The following RAI14 variants were observed in gnomAD, a reference collection of about 807,000 sequenced individuals.
RAI14 encodes the protein retinoic acid induced 14.
In RAI14, 45 loss-of-function variants were observed where a neutral mutation model predicts 115.4. The observed-to-expected ratio is 0.39, with a 90% CI of 0.31 to 0.50. The LOEUF (loss-of-function observed/expected upper bound fraction) is 0.50, where lower values mean the gene tolerates loss of function less well. RAI14 is among the 20% of genes least tolerant of loss of function. RAI14 has a pLI of 0.85. For synonymous variants in RAI14, 371 were observed against 415.4 expected (o/e 0.89, Z 1.30); for missense variants, 939 against 1,131.2 (o/e 0.83, Z 2.44).
chr5:34,786,090 A>C (rs754446939), intron 3 of RAI14, among the ~76,000 whole-genome samples: 19 of 152,224 alleles, frequency 1.2e-4, no homozygotes, highest in Non-Finnish European at 2.4e-4. Flanking sequence ...CAGACATTGT[A>C]AGGGGTGAGG....
At chr5:34,678,350 T>C (rs1438811299) in intron 1 of RAI14, among the ~76,000 whole-genome samples, 2 of 152,192 alleles carry the variant, frequency 1.3e-5, no homozygotes, top group African/African-American at 2.4e-5. Context: ...TTGTGGGTTA[T>C]TTCTGGGAAT....
intron 2 of RAI14, among the ~76,000 whole-genome samples, chr5:34,748,124 T>C (rs1746526571): frequency 6.6e-6 from 1 of 152,048 alleles, no homozygotes; most frequent in Admixed American, 6.6e-5. Context: ...GTTTATGTAT[T>C]ATGTACACGC....
At chr5:34,784,077 C>T (rs1026903997) in intron 3 of RAI14, among the ~76,000 whole-genome samples, 3 of 152,204 alleles carry the variant, frequency 2.0e-5, no homozygotes, top group Non-Finnish European at 4.4e-5. Flanking sequence ...GCGGAATGCA[C>T]CATTTGGCAA....
chr5:34,790,758 G>A (rs577612472), intron 3 of RAI14, among the ~76,000 whole-genome samples: 162 of 138,284 alleles, frequency 1.2e-3, no homozygotes, highest in African/African-American at 3.5e-3. Flanking sequence ...GTGTGTGTGT[G>A]TATATATACA....
rs181523385 is a variant in RAI14 at position 34,725,246 on chromosome 5, T to C, written c.37-32222T>C. On this transcript the variant is annotated intron_variant, in intron 2 of 17. Transcript: ENST00000265109. ...CAAAAGGATTCAAATTGTTTAGAAATATATGACCATTATGAAGCATTATTT... is the reference window on the plus strand; with the variant it reads ...CAAAAGGATTCAAATTGTTTAGAAACATATGACCATTATGAAGCATTATTT... Among the ~76,000 whole-genome samples, 11 of 152,264 alleles carry C rather than the reference T, an allele frequency of 7.2e-5. No homozygotes were observed. The East Asian group carries it at 2.1e-3, about 30-fold the overall frequency.
intron 3 of RAI14, among the ~76,000 whole-genome samples, chr5:34,765,306 C>T (rs923801087): frequency 3.3e-5 from 5 of 152,136 alleles, no homozygotes; most frequent in Non-Finnish European, 7.3e-5. Flanking sequence ...CTTTGGAGGA[C>T]TCAGAAGAAG....
intron 2 of RAI14, among the ~76,000 whole-genome samples, chr5:34,718,248 G>A (rs1201576941): frequency 6.6e-6 from 1 of 152,212 alleles, no homozygotes; most frequent in Non-Finnish European, 1.5e-5. Context: ...TACAACTCTT[G>A]TGTTTTCTTG....
chr5:34,668,421 C>T (rs1393349679), intron 1 of RAI14, among the ~76,000 whole-genome samples: 2 of 150,994 alleles, frequency 1.3e-5, no homozygotes, highest in Admixed American at 6.6e-5. Context: ...GTGGGCCCCA[C>T]GAAGGGTTCA....
chr5:34,735,195 C>T (rs1370755244), intron 2 of RAI14, among the ~76,000 whole-genome samples: 4 of 152,094 alleles, frequency 2.6e-5, no homozygotes, highest in South Asian at 2.1e-4. Flanking sequence ...AAAATATGGA[C>T]TGATAGAAAA....
intron 2 of RAI14, chr5:34,728,801 G>A (rs1353485785): frequency 2.0e-5 from 3 of 151,964 alleles, no homozygotes; most frequent in Non-Finnish European, 4.4e-5. Flanking sequence ...GGTGGCACCT[G>A]TACTCCCAGC....
chr5:34,756,144 A>G (rs1028711376), intron 2 of RAI14, among the ~76,000 whole-genome samples: 3 of 152,176 alleles, frequency 2.0e-5, no homozygotes, highest in African/African-American at 7.2e-5. Flanking sequence ...AAGGCCCTAC[A>G]TATGGGCTAG....
chr5:34,822,942 C>CT lies in RAI14; in HGVS notation c.1114-6dup, dbSNP rs752695398. ...GACCTTTGATATCATTTAATTCTTG[C>CT]TTTTTTTTCCTAGGCCAAATCACCC... On this transcript the variant is annotated splice_polypyrimidine_tract_variant and intron_variant, in intron 14 of 17. Transcript: ENST00000265109. The CT allele has an allele frequency of 1.6e-5, 25 of 1,592,318 alleles. No homozygotes were observed. Among genetic ancestry groups the CT allele is most frequent in the African/African-American group, 4.1e-5 (3 of 73,874 alleles).
At chr5:34,675,265 A>G (rs1743896589) in intron 1 of RAI14, among the ~76,000 whole-genome samples, 2 of 152,246 alleles carry the variant, frequency 1.3e-5, no homozygotes, top group Admixed American at 6.5e-5. Context: ...TAATTTTAGT[A>G]TACAATTCAA....
intron 1 of RAI14, among the ~76,000 whole-genome samples, chr5:34,680,201 GATTCCTAC>G (rs987638210): frequency 1.1e-4 from 17 of 152,138 alleles, no homozygotes; most frequent in African/African-American, 3.9e-4. Flanking sequence ...ACTATGAAGT[GATTCCTAC>G]CACCCCTACT....
At chr5:34,769,050 G>A (rs1749804350) in intron 3 of RAI14, among the ~76,000 whole-genome samples, 1 of 151,650 alleles carries the variant, frequency 6.6e-6, no homozygotes, top group Non-Finnish European at 1.5e-5. Context: ...TTCCATCTCA[G>A]TGTCCTCTCC....
chr5:34,815,796 T>C (rs772355447), intron 12 of RAI14, among the ~76,000 whole-genome samples: 3 of 152,194 alleles, frequency 2.0e-5, no homozygotes, highest in Non-Finnish European at 4.4e-5. Flanking sequence ...GAGCAGATTT[T>C]AAGTGTTTTC....
At chr5:34,746,971 C>T (rs530862812) in intron 2 of RAI14, among the ~76,000 whole-genome samples, 45 of 152,282 alleles carry the variant, frequency 3.0e-4, no homozygotes, top group African/African-American at 1.0e-3. Context: ...GCTTCTTCCT[C>T]ATTTTTCTCT....
At chr5:34,764,210 A>G (rs1232055855) in intron 3 of RAI14, among the ~76,000 whole-genome samples, 1 of 152,156 alleles carries the variant, frequency 6.6e-6, no homozygotes, top group Non-Finnish European at 1.5e-5. Flanking sequence ...TCCCTTCTTT[A>G]AGAGCTCATC....
chr5:34,754,523 CA>C (rs560658366), intron 2 of RAI14, among the ~76,000 whole-genome samples: 2,341 of 141,960 alleles, frequency 0.016, 66 homozygotes, highest in Middle Eastern at 0.033. Flanking sequence ...CTACCACGCC[CA>C]GGCTCTTACC....
Sources: gnomAD v4.1 joint callset for allele counts (sites outside exome capture counted in the v4.1 genomes callset) on GRCh38, gnomAD v4.1.1 for gene constraint, MANE v1.5 for transcripts, NCBI Gene and HGNC (gene_info 2026-07-23, HGNC 2026-07-21) for gene names.